Variants in CPNE8 observed in about 807,000 individuals in gnomAD.
CPNE8 encodes copine 8.
CPNE8 carries 45 observed loss-of-function variants against 81.5 expected under a neutral mutation model. The ratio of observed to expected loss-of-function variants is 0.55; its 90% CI spans 0.44 to 0.71. CPNE8 has a LOEUF of 0.71. CPNE8 is among the 30% of genes least tolerant of loss of function. CPNE8 has a pLI of 0.00. For missense variants in CPNE8, 594 were observed against 672.1 expected (o/e 0.88, Z 1.28); for synonymous variants, 252 against 226.3 (o/e 1.11, Z -1.02).
intron 6 of CPNE8, among the ~76,000 whole-genome samples, chr12:38,809,117 A>T (rs1049332018): frequency 1.3e-5 from 2 of 152,166 alleles, no homozygotes; most frequent in African/African-American, 4.8e-5. Context: ...AAAATTGCCA[A>T]AATAAATTAT....
intron 10 of CPNE8, among the ~76,000 whole-genome samples, chr12:38,732,344 T>A (rs772860593): frequency 6.6e-6 from 1 of 151,966 alleles, no homozygotes; most frequent in African/African-American, 2.4e-5. Context: ...GAATAACAAA[T>A]CCCGACCCAA....
intron 10 of CPNE8, among the ~76,000 whole-genome samples, chr12:38,741,982 T>C (rs1450111512): frequency 1.3e-5 from 2 of 152,182 alleles, no homozygotes; most frequent in African/African-American, 4.8e-5. Context: ...AGATACCATC[T>C]CACACCAGTT....
At chr12:38,677,832 G>T (rs148943547) in intron 16 of CPNE8, among the ~76,000 whole-genome samples, 1 of 151,884 alleles carries the variant, frequency 6.6e-6, no homozygotes, top group East Asian at 1.9e-4. Context: ...TTAGTACAAA[G>T]AAATGGACAT....
At chr12:38,780,038 G>A (rs1355146431) in intron 6 of CPNE8, among the ~76,000 whole-genome samples, 1 of 151,962 alleles carries the variant, frequency 6.6e-6, no homozygotes, top group African/African-American at 2.4e-5. Flanking sequence ...GAGTTTCATT[G>A]TTTCTGGTCT....
intron 6 of CPNE8, among the ~76,000 whole-genome samples, chr12:38,791,478 T>G (rs1411398935): frequency 6.6e-6 from 1 of 151,400 alleles, no homozygotes; most frequent in Non-Finnish European, 1.5e-5. Flanking sequence ...AAAAAAGGAA[T>G]AAAAATAGAG....
chr12:38,749,589 T>C (rs1210776492), intron 10 of CPNE8, among the ~76,000 whole-genome samples: 1 of 152,070 alleles, frequency 6.6e-6, no homozygotes, highest in African/African-American at 2.4e-5. Context: ...GAGGATGACG[T>C]ACTTGTTGGG....
At position 38,730,399 on chromosome 12, in the gene CPNE8, A is replaced by G. The variant is rs367739295; in HGVS notation, c.723-41T>C. ...AAAAGTACATAATATTGGCTTTCATATATTTGTCAACTGTATTTTAAAGTT... is the reference window on the plus strand; with the variant it reads ...AAAAGTACATAATATTGGCTTTCATGTATTTGTCAACTGTATTTTAAAGTT... On this transcript the variant is annotated intron_variant, in intron 10 of 19. Coordinates refer to ENST00000331366, the MANE Select transcript of CPNE8 (RefSeq NM_153634.3). 1.4e-4 allele frequency: 165 copies of G among 1,155,344 alleles called. 1 individual carries two copies. Among genetic ancestry groups the G allele is most frequent in the Non-Finnish European group, 2.0e-4 (154 of 777,558 alleles). The allele number at this position is 1,155,344 out of a possible 1,614,324, so 71.6% of individuals were successfully genotyped here.
intron 6 of CPNE8, among the ~76,000 whole-genome samples, chr12:38,797,364 T>A (rs34731320): frequency 6.6e-6 from 1 of 152,116 alleles, no homozygotes; most frequent in Non-Finnish European, 1.5e-5. Flanking sequence ...CCAGAGGAAC[T>A]AGCAGACGGC....
chr12:38,709,545 C>T (rs1448609256), intron 13 of CPNE8, among the ~76,000 whole-genome samples: 2 of 152,158 alleles, frequency 1.3e-5, no homozygotes, highest in Admixed American at 6.6e-5. Context: ...AATTATAAAA[C>T]CTTCCCTGAT....
intron 10 of CPNE8, among the ~76,000 whole-genome samples, chr12:38,752,280 G>A (rs545031248): frequency 6.6e-5 from 10 of 152,234 alleles, no homozygotes; most frequent in East Asian, 3.9e-4. Context: ...TGCAAGGTTC[G>A]GGTTGTAGTA....
chr12:38,828,286 T>C (rs747067247), intron 6 of CPNE8, among the ~76,000 whole-genome samples: 14 of 152,156 alleles, frequency 9.2e-5, no homozygotes, highest in Non-Finnish European at 1.8e-4. Context: ...AAAGTGAGCA[T>C]AAATATATTT....
chr12:38,755,278 G>T (rs948993625), intron 10 of CPNE8, among the ~76,000 whole-genome samples: 5 of 152,104 alleles, frequency 3.3e-5, no homozygotes, highest in African/African-American at 1.2e-4. Context: ...CACAAGCGGG[G>T]ATTTTATGAT....
chr12:38,893,017 A>AAT (rs1485307980), intron 1 of CPNE8, among the ~76,000 whole-genome samples: 1 of 152,050 alleles, frequency 6.6e-6, no homozygotes, highest in African/African-American at 2.4e-5. Context: ...TAAAAAAAAA[A>AAT]CCTTAGACAC....
intron 1 of CPNE8, among the ~76,000 whole-genome samples, chr12:38,900,688 A>C (rs569112273): frequency 1.9e-4 from 29 of 152,250 alleles, no homozygotes; most frequent in Non-Finnish European, 3.8e-4. Context: ...ATGAACGCTC[A>C]CACTTTGGGA....
intron 15 of CPNE8, among the ~76,000 whole-genome samples, chr12:38,687,773 T>C (rs1939566223): frequency 6.6e-6 from 1 of 152,232 alleles, no homozygotes; most frequent in Admixed American, 6.5e-5. Flanking sequence ...GACAGAGGGA[T>C]TTATATCCAC....
At chr12:38,858,261 C>T (rs926773232) in intron 3 of CPNE8, among the ~76,000 whole-genome samples, 1 of 152,168 alleles carries the variant, frequency 6.6e-6, no homozygotes, top group Admixed American at 6.5e-5. Context: ...AATTACCTAA[C>T]ATAGATGGTT....
intron 1 of CPNE8, among the ~76,000 whole-genome samples, chr12:38,876,221 CT>C (rs924833402): frequency 6.6e-6 from 1 of 151,130 alleles, no homozygotes; most frequent in African/African-American, 2.4e-5. Context: ...GATGAGTATT[CT>C]TTTTTTTTGA....
At chr12:38,660,303 T>A (rs1362955189) in intron 19 of CPNE8, among the ~76,000 whole-genome samples, 1 of 152,018 alleles carries the variant, frequency 6.6e-6, no homozygotes, top group Non-Finnish European at 1.5e-5. Context: ...GCCTCAGAAA[T>A]AACACCATAC....
chr12:38,848,673 A>G lies in CPNE8; in HGVS notation c.187-11T>C. The G allele has an allele frequency of 4.4e-6, 7 of 1,578,042 alleles. No individual in the cohort carries two copies. Among genetic ancestry groups the G allele is most frequent in the Non-Finnish European group, 6.0e-6 (7 of 1,167,998 alleles). ...TTCAGTTCTTCCAAACTGTGGAAAG[A>G]GAGAGAGAATTTAAAATTAAACCTT... is the stretch of plus-strand genomic sequence containing the variant. On this transcript the variant is annotated splice_polypyrimidine_tract_variant and intron_variant, in intron 3 of 19. Coordinates refer to ENST00000331366, the MANE Select transcript of CPNE8 (RefSeq NM_153634.3).
Sources: allele counts gnomAD v4.1 joint callset (sites outside exome capture counted in the v4.1 genomes callset), GRCh38; gene constraint gnomAD v4.1.1; transcripts MANE v1.5; gene names NCBI Gene and HGNC (gene_info 2026-07-23, HGNC 2026-07-21).